KIZ: variants seen among roughly 807,000 people sequenced by gnomAD.
KIZ encodes the protein centrosomal protein kizuna.
Under a neutral mutation model 79.6 loss-of-function variants are expected in KIZ, and 68 were observed. That is an observed-to-expected ratio of 0.85 (90% confidence interval 0.70 to 1.05). The LOEUF is 1.05. Ranked by LOEUF, KIZ falls within the 50% of genes least tolerant of loss-of-function variation. The pLI, the probability that KIZ is intolerant of heterozygous loss-of-function variation, is 0.00. For synonymous variants in KIZ, 280 were observed against 281.8 expected, an observed-to-expected ratio of 0.99 and a Z score of 0.06; for missense variants, 797 against 800.4, an observed-to-expected ratio of 1.00 and a Z score of 0.05.
chr20:21,233,031 T>A (rs1160666932), intron 11 of KIZ: 2 of 561,066 alleles, frequency 3.6e-6, no homozygotes, highest in African/African-American at 3.8e-5. Flanking sequence ...GTTTTGCAGC[T>A]GTTGTTTCCT....
chr20:21,132,150 A>T lies in KIZ; in HGVS notation c.143A>T (p.Asp48Val). The T allele has an allele frequency of 6.8e-7, 1 of 1,465,114 alleles. No homozygotes were observed. Among genetic ancestry groups the T allele is most frequent in the Non-Finnish European group, 9.3e-7 (1 of 1,076,202 alleles). The allele number at this position is 1,465,114 out of a possible 1,614,324, so 90.8% of individuals were successfully genotyped here. Residue 48 changes from aspartate (D) to valine (V), a missense_variant, in exon 2 of 13, where the codon GAT (aspartate) becomes GTT (valine). Coordinates refer to ENST00000619189, the MANE Select transcript of KIZ (RefSeq NM_018474.6). The stretch of plus-strand genomic sequence containing the variant: ...AAACTTTATGAATATAATCAGTCTG[A>T]TACATGCAGGTAAGAGACGACAGTG... ...EKKLYEYNQS[D>V]TCRVKLKYVK...
intron 6 of KIZ, among the ~76,000 whole-genome samples, chr20:21,190,127 C>T (rs983119220): frequency 5.9e-5 from 9 of 152,192 alleles, no homozygotes; most frequent in South Asian, 2.1e-4. Flanking sequence ...TTGAGATAGT[C>T]GCTTCCAGTT....
chr20:21,210,392 AC>A (rs1047581399), intron 7 of KIZ, among the ~76,000 whole-genome samples: 14 of 150,734 alleles, frequency 9.3e-5, no homozygotes, highest in Admixed American at 4.6e-4. Context: ...TTTTTTTTTT[AC>A]CCCCATTTGC....
intron 7 of KIZ, among the ~76,000 whole-genome samples, chr20:21,213,320 C>T (rs188110375): frequency 2.6e-5 from 4 of 152,208 alleles, no homozygotes; most frequent in East Asian, 3.9e-4. Flanking sequence ...CTCTCCCTGT[C>T]GGAGTGTCTT....
chr20:21,232,755 C>A lies in KIZ; in HGVS notation c.1805C>A (p.Ala602Glu), dbSNP rs2036875821. The A allele has an allele frequency of 6.3e-7, 1 of 1,584,450 alleles. No individual in the cohort carries two copies. Among genetic ancestry groups the A allele is most frequent in the Non-Finnish European group, 8.6e-7 (1 of 1,159,356 alleles). The change falls in exon 11 of 13, where the codon GCA (alanine) becomes GAA (glutamate). Residue 602 changes from alanine (A) to glutamate (E), a missense_variant. Ala to Glu is a moderately radical substitution (Grantham distance 107). Coordinates refer to ENST00000619189, the MANE Select transcript of KIZ (RefSeq NM_018474.6). ...HLSGLNIGSG[A>E]FETKTANKIA... The stretch of plus-strand genomic sequence containing the variant: ...ACAGGTTTGAATATTGGCAGCGGTG[C>A]ATTCGAGACAAAGACAGCTAACAAA...
chr20:21,244,575 G>A, intron 12 of KIZ: 1 of 414,424 alleles, frequency 2.4e-6, no homozygotes. Flanking sequence ...TCAGCACCCT[G>A]TATTTTACCA....
intron 3 of KIZ, among the ~76,000 whole-genome samples, chr20:21,143,562 G>C (rs568837995): frequency 6.6e-6 from 1 of 152,180 alleles, no homozygotes. Context: ...TAAATTACAT[G>C]TGCATACTGA....
At chr20:21,134,306 T>G (rs554897301) in intron 2 of KIZ, among the ~76,000 whole-genome samples, 1 of 152,300 alleles carries the variant, frequency 6.6e-6, no homozygotes, top group East Asian at 1.9e-4. Context: ...CGGGATGTTT[T>G]GTAATGTGGT....
At chr20:21,138,135 T>TC in intron 3 of KIZ, among the ~76,000 whole-genome samples, 1 of 152,334 alleles carries the variant, frequency 6.6e-6, no homozygotes, top group South Asian at 2.1e-4. Context: ...AACTTATTTT[T>TC]CCAGACTAGG....
At chr20:21,238,964 C>G (rs377163857) in intron 11 of KIZ, among the ~76,000 whole-genome samples, 2 of 152,192 alleles carry the variant, frequency 1.3e-5, no homozygotes, top group East Asian at 1.9e-4. Flanking sequence ...ATTCCTTGAC[C>G]CCTGTGCCTA....
chr20:21,132,488 C>T (rs1265032567), intron 2 of KIZ, among the ~76,000 whole-genome samples: 1 of 152,130 alleles, frequency 6.6e-6, no homozygotes, highest in Non-Finnish European at 1.5e-5. Context: ...ACCATGCTGG[C>T]CAGGCTGGTC....
chr20:21,224,891 C>T (rs1415651884), intron 9 of KIZ, among the ~76,000 whole-genome samples: 2 of 152,142 alleles, frequency 1.3e-5, no homozygotes, highest in Admixed American at 6.5e-5. Flanking sequence ...TCTTTCTCCT[C>T]TCCTTAACAT....
At chr20:21,193,861 G>T (rs1431322225) in intron 6 of KIZ, among the ~76,000 whole-genome samples, 2 of 111,636 alleles carry the variant, frequency 1.8e-5, no homozygotes, top group Admixed American at 2.2e-4. Context: ...GTTGTGGGGT[G>T]GGGGGAGGGG....
rs1367353338 is a variant in KIZ at position 21,232,845 on chromosome 20, G to A, written c.1880+15G>A. 1.0e-5 allele frequency: 12 copies of A among 1,153,064 alleles called. No individual in the cohort carries two copies. The highest frequency in any genetic ancestry group is 1.5e-5 in the Non-Finnish European group (12 of 774,912). The allele number at this position is 1,153,064 out of a possible 1,614,324, so 71.4% of individuals were successfully genotyped here. On this transcript the variant is annotated intron_variant, in intron 11 of 12. Transcript: ENST00000619189. ...CCTTTGTCAAGGTAAAGTTGTGAAA[G>A]CCTTTCTGAATAGCAGCAACAAGAT...
At chr20:21,221,375 TTGA>T (rs2036496758) in intron 9 of KIZ, among the ~76,000 whole-genome samples, 1 of 152,206 alleles carries the variant, frequency 6.6e-6, no homozygotes, top group Non-Finnish European at 1.5e-5. Context: ...TCTTAAATGC[TTGA>T]TGATTCAGGA....
At position 21,204,138 on chromosome 20, in the gene KIZ, C is replaced by T. The variant is rs1228235824; in HGVS notation, c.1353-1353C>T. Reference sequence around the variant, plus strand: ...TTTTTTTTTTTTTTTTTTTTTGAGACGGAGTCTCTCTCTGTCGCCCAGGCT... The same window carrying T: ...TTTTTTTTTTTTTTTTTTTTTGAGATGGAGTCTCTCTCTGTCGCCCAGGCT... On this transcript the variant is annotated intron_variant, in intron 6 of 12. Transcript: ENST00000619189. Among the ~76,000 whole-genome samples the T allele has an allele frequency of 3.1e-3, 287 of 91,766 alleles. 2 individuals carry two copies. Among genetic ancestry groups the T allele is most frequent in the Middle Eastern group, 0.013 (1 of 76 alleles). The allele number at this position is 91,766 out of a possible 152,430, so 60.2% of individuals were successfully genotyped here.
Position 21,162,833 on chromosome 20 carries a change from C to A in KIZ, c.1043-17C>A. The A allele has an allele frequency of 2.5e-6, 4 of 1,600,508 alleles. No homozygotes were observed. The highest frequency in any genetic ancestry group is 2.6e-6 in the Non-Finnish European group (3 of 1,172,146). ...TGAAGTCAGTGATTGGTAATCAGTT[C>A]ATGTCGCCACTTGCAGATCATCTTG... On this transcript the variant is annotated splice_polypyrimidine_tract_variant and intron_variant, in intron 5 of 12. Coordinates refer to ENST00000619189, the MANE Select transcript of KIZ (RefSeq NM_018474.6).
intron 11 of KIZ, among the ~76,000 whole-genome samples, chr20:21,238,895 G>A (rs989216620): frequency 6.6e-6 from 1 of 152,124 alleles, no homozygotes; most frequent in Non-Finnish European, 1.5e-5. Context: ...CAGGTTCCTC[G>A]AGGAAGAAAC....
At chr20:21,167,592 ACT>A (rs1402554269) in intron 6 of KIZ, among the ~76,000 whole-genome samples, 1 of 109,670 alleles carries the variant, frequency 9.1e-6, no homozygotes, top group African/African-American at 3.5e-5. Flanking sequence ...ATGGAGTTTC[ACT>A]CTTGTCGCCC....
Sources: gnomAD v4.1 joint callset for allele counts (sites outside exome capture counted in the v4.1 genomes callset) on GRCh38, gnomAD v4.1.1 for gene constraint, MANE v1.5 for transcripts, NCBI Gene and HGNC (gene_info 2026-07-23, HGNC 2026-07-21) for gene names.